The following TUSC3 variants were observed in gnomAD, a reference collection of about 807,000 sequenced individuals.
The protein encoded by TUSC3 is tumor suppressor candidate 3, also known as dolichyl-diphosphooligosaccharide--protein glycosyltransferase subunit TUSC3.
A neutral mutation model predicts 44.8 loss-of-function variants in TUSC3; 45 were observed. That is an observed-to-expected ratio of 1.00 (90% CI 0.79 to 1.29). The LOEUF is 1.29. Ranked by LOEUF, TUSC3 falls within the 50% of genes most tolerant of loss-of-function variation. The pLI is 0.00. For missense variants in TUSC3, 519 were observed against 437.9 expected, an observed-to-expected ratio of 1.19 and a Z score of -1.65; for synonymous variants, 212 against 152.9, an observed-to-expected ratio of 1.39 and a Z score of -2.85.
intron 6 of TUSC3, among the ~76,000 whole-genome samples, chr8:15,707,894 G>A (rs1387175814): frequency 6.6e-6 from 1 of 151,910 alleles, no homozygotes; most frequent in African/African-American, 2.4e-5. Flanking sequence ...ACCATCCCAT[G>A]CCTCTTTCTT....
chr8:15,534,808 C>T (rs192417337), intron 2 of TUSC3, among the ~76,000 whole-genome samples: 8 of 152,082 alleles, frequency 5.3e-5, no homozygotes, highest in Admixed American at 3.3e-4. Context: ...GGTAAAGTGA[C>T]GTACAGGAAT....
chr8:15,476,072 C>G (rs1413687679), intron 1 of TUSC3, among the ~76,000 whole-genome samples: 3 of 152,118 alleles, frequency 2.0e-5, no homozygotes, highest in Non-Finnish European at 4.4e-5. Context: ...AAATTTCATT[C>G]TGAATAACGT....
At chr8:15,573,777 T>C (rs558775704) in intron 1 of TUSC3, among the ~76,000 whole-genome samples, 2 of 152,230 alleles carry the variant, frequency 1.3e-5, no homozygotes, top group East Asian at 3.9e-4. Context: ...GAAGGCTGAT[T>C]TTTTTTAATG....
intron 1 of TUSC3, among the ~76,000 whole-genome samples, chr8:15,566,485 C>G (rs1345329032): frequency 6.6e-6 from 1 of 152,006 alleles, no homozygotes; most frequent in East Asian, 1.9e-4. Context: ...GTAACAGCTG[C>G]TAAAGGAAAG....
intron 3 of TUSC3, 148 bp from the exon 4 acceptor site, chr8:15,659,359 C>A: frequency 2.1e-6 from 2 of 942,674 alleles, no homozygotes; most frequent in Non-Finnish European, 3.1e-6. Context: ...TGAATTAAGA[C>A]AAATAAAAAC....
intron 1 of TUSC3, among the ~76,000 whole-genome samples, chr8:15,424,982 A>T (rs1799786264): frequency 6.6e-6 from 1 of 152,178 alleles, no homozygotes; most frequent in Non-Finnish European, 1.5e-5. Context: ...ATTGTATATT[A>T]CAAAGGTCTT....
downstream of TUSC3, among the ~76,000 whole-genome samples, chr8:15,769,377 G>T (rs1437132177): frequency 6.6e-6 from 1 of 152,252 alleles, no homozygotes. Flanking sequence ...CTAGCTATAT[G>T]CAGAAAACTG....
chr8:15,851,969 G>T, the TUSC3 span, among the ~76,000 whole-genome samples: 1 of 152,020 alleles, frequency 6.6e-6, no homozygotes, highest in Non-Finnish European at 1.5e-5. Context: ...CTTTTGCTTG[G>T]ATCTCATTTT....
intron 6 of TUSC3, among the ~76,000 whole-genome samples, chr8:15,704,911 A>G (rs150125734): frequency 7.3e-4 from 111 of 151,418 alleles, no homozygotes; most frequent in African/African-American, 2.4e-3. Flanking sequence ...AACAGTTAGA[A>G]CCCATGCTGG....
chr8:15,828,123 T>C, the TUSC3 span, among the ~76,000 whole-genome samples: 32 of 151,482 alleles, frequency 2.1e-4, no homozygotes, highest in African/African-American at 6.8e-4. Flanking sequence ...GCCACTCAAA[T>C]AGCTGGGATT....
chr8:15,581,861 C>CGGTTGCTTT (rs1554517877), intron 1 of TUSC3, among the ~76,000 whole-genome samples: 1 of 92,268 alleles, frequency 1.1e-5, no homozygotes. Context: ...TGGAGCTTCC[C>CGGTTGCTTT]GTTTACCTAA....
At chr8:15,593,324 G>A (rs1444388924) in intron 1 of TUSC3, among the ~76,000 whole-genome samples, 3 of 152,144 alleles carry the variant, frequency 2.0e-5, no homozygotes, top group African/African-American at 7.2e-5. Context: ...GACCTCAGGT[G>A]ATCCGCCCGC....
At chr8:15,565,804 A>G (rs1446939272) in intron 1 of TUSC3, among the ~76,000 whole-genome samples, 1 of 152,080 alleles carries the variant, frequency 6.6e-6, no homozygotes, top group Non-Finnish European at 1.5e-5. Flanking sequence ...TGTGTTGCGG[A>G]TGGCAGAGCA....
intron 2 of TUSC3, among the ~76,000 whole-genome samples, chr8:15,493,098 A>T (rs1316280256): frequency 3.9e-5 from 6 of 152,128 alleles, no homozygotes; most frequent in Admixed American, 3.9e-4. Context: ...CACAAAAAAA[A>T]TCCTGCAAGG....
intron 6 of TUSC3, among the ~76,000 whole-genome samples, chr8:15,715,892 G>C (rs1810037560): frequency 6.6e-6 from 1 of 151,916 alleles, no homozygotes; most frequent in African/African-American, 2.4e-5. Flanking sequence ...ATTGAGGTAT[G>C]ATTTATATAC....
intron 3 of TUSC3, among the ~76,000 whole-genome samples, chr8:15,651,905 A>C (rs991453725): frequency 6.6e-6 from 1 of 152,174 alleles, no homozygotes; most frequent in Non-Finnish European, 1.5e-5. Flanking sequence ...GCACTGTTCA[A>C]CTTATGTATT....
At chr8:15,515,084 C>G (rs1801199805) in intron 2 of TUSC3, among the ~76,000 whole-genome samples, 1 of 152,098 alleles carries the variant, frequency 6.6e-6, no homozygotes, top group Non-Finnish European at 1.5e-5. Context: ...AATTGGCTAT[C>G]TCTAAGCCAA....
At chr8:15,771,785 C>G in the TUSC3 span, among the ~76,000 whole-genome samples, 1 of 151,900 alleles carries the variant, frequency 6.6e-6, no homozygotes, top group Admixed American at 6.6e-5. Context: ...CTGGAAATGT[C>G]TGTATTAAAA....
intron 2 of TUSC3, among the ~76,000 whole-genome samples, chr8:15,630,090 A>G (rs1361340113): frequency 6.6e-6 from 1 of 152,178 alleles, no homozygotes; most frequent in African/African-American, 2.4e-5. Flanking sequence ...TTCTCCTACA[A>G]AGTTACTCAT....
Sources: allele counts gnomAD v4.1 joint callset (sites outside exome capture counted in the v4.1 genomes callset), GRCh38; gene constraint gnomAD v4.1.1; transcripts MANE v1.5; gene names NCBI Gene and HGNC (gene_info 2026-07-23, HGNC 2026-07-21).